SCIN: variants seen among roughly 807,000 people sequenced by gnomAD.
SCIN encodes the protein scinderin.
SCIN carries 91 observed loss-of-function variants against 91.8 expected under a neutral mutation model. The observed-to-expected ratio is 0.99, with a 90% confidence interval of 0.84 to 1.18. The LOEUF (loss-of-function observed/expected upper bound fraction) is 1.18, where lower values mean the gene tolerates loss of function less well. Among genes scored for constraint, SCIN ranks in the 50% most tolerant of loss-of-function variants. The pLI, the probability that SCIN is intolerant of heterozygous loss-of-function variation, is 0.00. For missense variants in SCIN, 1,087 were observed against 863.9 expected (o/e 1.26, Z -3.24); for synonymous variants, 367 against 312.6 (o/e 1.17, Z -1.84).
rs562602361 is a variant in SCIN at position 12,631,696 on chromosome 7, T to G, written c.1319+2474T>G. On this transcript the variant is annotated intron_variant, in intron 9 of 15. Coordinates refer to ENST00000297029, the MANE Select transcript of SCIN (RefSeq NM_001112706.3). ...CCAGCAAGAAAACCCTCACCAGATG[T>G]GATCTCTTGACTTTGGACTTCTCAC... 1.4e-4 allele frequency among the ~76,000 whole-genome samples: 21 copies of G among 152,280 alleles called. No individual in the cohort carries two copies. The South Asian group carries it at 4.4e-3, about 32-fold the overall frequency.
chr7:12,628,109 G>A (rs10228614), intron 8 of SCIN, among the ~76,000 whole-genome samples: 1,634 of 151,508 alleles, frequency 0.011, 33 homozygotes, highest in African/African-American at 0.037. Flanking sequence ...CCTCTCCTTC[G>A]TTTGTTACTC....
intron 9 of SCIN, among the ~76,000 whole-genome samples, chr7:12,632,178 G>A (rs1429353219): frequency 6.8e-6 from 1 of 148,012 alleles, no homozygotes; most frequent in Non-Finnish European, 1.5e-5. Flanking sequence ...TGCCCAGGCT[G>A]GAGTACAGTG....
intron 1 of SCIN, among the ~76,000 whole-genome samples, chr7:12,577,024 TAC>T (rs1554289816): frequency 6.6e-6 from 1 of 152,228 alleles, no homozygotes; most frequent in Non-Finnish European, 1.5e-5. Flanking sequence ...TTATGTACAC[TAC>T]AGACACTGGT....
At chr7:12,581,685 C>A (rs1428069311) in intron 3 of SCIN, among the ~76,000 whole-genome samples, 1 of 152,164 alleles carries the variant, frequency 6.6e-6, no homozygotes, top group Non-Finnish European at 1.5e-5. Flanking sequence ...CCATTTCACA[C>A]TTTTCAATTA....
intron 3 of SCIN, among the ~76,000 whole-genome samples, chr7:12,584,387 A>G (rs1356830482): frequency 6.6e-6 from 1 of 152,260 alleles, no homozygotes; most frequent in Non-Finnish European, 1.5e-5. Flanking sequence ...AACTAAGGTT[A>G]TGGATATAAC....
intron 10 of SCIN, among the ~76,000 whole-genome samples, chr7:12,639,276 T>G (rs970851785): frequency 9.2e-5 from 14 of 152,226 alleles, no homozygotes; most frequent in African/African-American, 3.4e-4. Flanking sequence ...GTTTTAGGTA[T>G]TTGTGAGACT....
At chr7:12,574,647 C>T (rs1782333299) in intron 1 of SCIN, among the ~76,000 whole-genome samples, 2 of 152,056 alleles carry the variant, frequency 1.3e-5, no homozygotes, top group African/African-American at 4.8e-5. Flanking sequence ...TTAAGCTATA[C>T]TGTAATTTTA....
At chr7:12,613,590 C>G (rs1783240170) in intron 4 of SCIN, among the ~76,000 whole-genome samples, 1 of 152,092 alleles carries the variant, frequency 6.6e-6, no homozygotes, top group African/African-American at 2.4e-5. Flanking sequence ...CTTCCAAGTA[C>G]TGTTTTTCCA....
At position 12,628,969 on chromosome 7, in the gene SCIN, T is replaced by G. The variant is rs556680469; in HGVS notation, c.1198-132T>G. 1.2e-4 allele frequency: 90 copies of G among 766,724 alleles called. 1 individual carries two copies. In the African/African-American group the frequency reaches 1.5e-3, roughly 12 times the overall value. 47.5% of individuals were successfully genotyped at this position (766,724 alleles called of 1,614,324 possible). On this transcript the variant is annotated intron_variant, in intron 8 of 15. Coordinates refer to ENST00000297029, the MANE Select transcript of SCIN (RefSeq NM_001112706.3). ...ATCGATAACAATTTCTTTGCTTGAT[T>G]TGTAAACTAGTTAATAAATAATTTA...
intron 7 of SCIN, 123 bp downstream of exon 7, chr7:12,625,973 G>T: frequency 1.6e-6 from 1 of 620,984 alleles, no homozygotes; most frequent in Non-Finnish European, 2.8e-6. Context: ...TTCTCCACCT[G>T]CCTGTCTGCT....
chr7:12,626,201 G>A (rs1388616474), intron 7 of SCIN: 8 of 307,256 alleles, frequency 2.6e-5, no homozygotes, highest in East Asian at 6.9e-5. Context: ...TGTCTTCATC[G>A]AAATCAATTT....
At chr7:12,602,379 A>G (rs925844269) in intron 3 of SCIN, among the ~76,000 whole-genome samples, 6 of 152,212 alleles carry the variant, frequency 3.9e-5, no homozygotes, top group African/African-American at 9.7e-5. Context: ...ATAAGGGTCT[A>G]TGTTCAGCTG....
intron 3 of SCIN, among the ~76,000 whole-genome samples, chr7:12,582,772 T>G (rs1296341966): frequency 6.6e-6 from 1 of 152,014 alleles, no homozygotes; most frequent in African/African-American, 2.4e-5. Context: ...ACACTATAAA[T>G]AAAGAAATAA....
intron 3 of SCIN, among the ~76,000 whole-genome samples, chr7:12,582,954 A>G (rs1782518777): frequency 6.6e-6 from 1 of 152,150 alleles, no homozygotes; most frequent in Non-Finnish European, 1.5e-5. Flanking sequence ...TTTATTAGAA[A>G]AAGGAGACCT....
At chr7:12,636,204 T>C in intron 10 of SCIN, 69 bp downstream of exon 10, 1 of 1,096,220 alleles carries the variant, frequency 9.1e-7, no homozygotes, top group Non-Finnish European at 1.4e-6. Flanking sequence ...TAGCTATAGC[T>C]CCCTCCCAAG....
chr7:12,637,165 A>G (rs1266146725), intron 10 of SCIN, among the ~76,000 whole-genome samples: 1 of 152,216 alleles, frequency 6.6e-6, no homozygotes, highest in East Asian at 1.9e-4. Context: ...GTGTTGTTTT[A>G]AGCCACTAAA....
chr7:12,625,134 T>C lies in SCIN; in HGVS notation c.884T>C (p.Val295Ala), dbSNP rs767115654. The change falls in exon 6 of 16, where the codon GTA (valine) becomes GCA (alanine). Residue 295 changes from valine (V) to alanine (A), a missense_variant. Coordinates refer to ENST00000297029, the MANE Select transcript of SCIN (RefSeq NM_001112706.3). ...LDHGAAKQIF[V>A]WKGKDANPQE... ...CACGGGGCTGCCAAACAAATTTTCG[T>C]ATGGAAAGGTAAAAAATTCCATTGA... 6.2e-7 allele frequency: 1 copy of C among 1,608,830 alleles called. No homozygotes were observed. The highest frequency in any genetic ancestry group is 1.7e-4 in the Middle Eastern group (1 of 6,044).
intron 1 of SCIN, among the ~76,000 whole-genome samples, chr7:12,574,350 T>C (rs1182178889): frequency 6.6e-6 from 1 of 152,192 alleles, no homozygotes. Flanking sequence ...ATTTTAGATT[T>C]GGCATTGCCG....
chr7:12,648,682 G>A (rs1784014763), intron 13 of SCIN, among the ~76,000 whole-genome samples: 1 of 152,138 alleles, frequency 6.6e-6, no homozygotes, highest in Admixed American at 6.5e-5. Flanking sequence ...TTAGGAACTA[G>A]ATAGGCAACA....
Sources: allele counts gnomAD v4.1 joint callset (sites outside exome capture counted in the v4.1 genomes callset), GRCh38; gene constraint gnomAD v4.1.1; transcripts MANE v1.5; gene names NCBI Gene and HGNC (gene_info 2026-07-23, HGNC 2026-07-21).